Variants in PCDH15 observed in about 807,000 individuals in gnomAD.
PCDH15 encodes protocadherin-15.
A neutral mutation model predicts 178.5 loss-of-function variants in PCDH15; 129 were observed. The ratio of observed to expected loss-of-function variants is 0.72; its 90% CI spans 0.63 to 0.84. PCDH15 has a LOEUF of 0.84. PCDH15 is among the 40% of genes least tolerant of loss of function. The pLI, the probability that PCDH15 is intolerant of heterozygous loss-of-function variation, is 0.00. For synonymous variants in PCDH15, 800 were observed against 732.0 expected (o/e 1.09, Z -1.50); for missense variants, 2,230 against 2,099.9 (o/e 1.06, Z -1.21).
chr10:55,596,665 T>C (rs542193384), intron 2 of PCDH15, among the ~76,000 whole-genome samples: 2 of 152,296 alleles, frequency 1.3e-5, no homozygotes, highest in Non-Finnish European at 2.9e-5. Context: ...TACCATTTAA[T>C]GTATTTTAAT....
chr10:54,433,938 C>T (rs1043586305), intron 3 of PCDH15, among the ~76,000 whole-genome samples: 3 of 152,182 alleles, frequency 2.0e-5, no homozygotes, highest in African/African-American at 7.2e-5. Flanking sequence ...TTATAGGAGA[C>T]AACAGCTCCA....
rs532709521 is a variant in PCDH15, at chr10:55,248,685, T to G, written c.-156+70914A>C. ...GATTCTTGTGACTCAGCCTCCCAAG[T>G]AGCTGGGATTACAGGCCTGTGCCAA... On this transcript the variant is annotated intron_variant, in intron 1 of 5. Coordinates refer to the PCDH15 transcript ENST00000458638. Among the ~76,000 whole-genome samples, 3 of 152,150 alleles carry G rather than the reference T, an allele frequency of 2.0e-5. No individual in the cohort carries two copies. The South Asian group carries it at 6.2e-4, about 32-fold the overall frequency.
chr10:54,378,720 C>A (rs948372848), intron 4 of PCDH15, 62 bp downstream of exon 4: 3 of 1,527,452 alleles, frequency 2.0e-6, no homozygotes, highest in Non-Finnish European at 2.7e-6. Flanking sequence ...TATAAACACA[C>A]ACATAGACAT....
intron 3 of PCDH15, among the ~76,000 whole-genome samples, chr10:54,451,035 C>T (rs906824072): frequency 6.6e-6 from 1 of 151,824 alleles, no homozygotes; most frequent in African/African-American, 2.4e-5. Flanking sequence ...TATTCTTATA[C>T]TCAATATCTG....
intron 1 of PCDH15, among the ~76,000 whole-genome samples, chr10:54,763,772 TATAA>T (rs1005053994): frequency 1.6e-4 from 23 of 147,796 alleles, no homozygotes; most frequent in Non-Finnish European, 3.3e-4. Context: ...ATATATAGTA[TATAA>T]ATATACTATA....
chr10:55,450,265 T>C (rs946851092), intron 2 of PCDH15, among the ~76,000 whole-genome samples: 5 of 152,064 alleles, frequency 3.3e-5, no homozygotes, highest in Admixed American at 3.3e-4. Flanking sequence ...CCAGGCTCGT[T>C]TATACATGAG....
chr10:54,917,236 C>A (rs548005569), intron 2 of PCDH15, among the ~76,000 whole-genome samples: 1 of 152,076 alleles, frequency 6.6e-6, no homozygotes. Context: ...TGAAATTTAT[C>A]AATTTAGAAG....
rs146549526 is a variant in PCDH15 at position 55,330,564 on chromosome 10, T to C, written c.-155-163913A>G. 5.2e-3 allele frequency among the ~76,000 whole-genome samples: 790 copies of C among 152,012 alleles called. 11 individuals carry two copies. The highest frequency in any genetic ancestry group is 0.018 in the African/African-American group (744 of 41,528). On this transcript the variant is annotated intron_variant, in intron 2 of 5. Coordinates refer to the PCDH15 transcript ENST00000613346. ...AGGGTTGTCAAGTCCTAATACATTA[T>C]TGGGAAATTATAGCTGTTATTTTTA...
At chr10:54,904,135 A>G (rs977571721) in intron 2 of PCDH15, among the ~76,000 whole-genome samples, 1 of 152,124 alleles carries the variant, frequency 6.6e-6, no homozygotes, top group African/African-American at 2.4e-5. Flanking sequence ...TGATAAAAGC[A>G]AAACTAAAAA....
At chr10:54,839,878 A>G (rs1257381375) in intron 3 of PCDH15, among the ~76,000 whole-genome samples, 1 of 151,390 alleles carries the variant, frequency 6.6e-6, no homozygotes, top group African/African-American at 2.4e-5. Context: ...TGCTGAAGGA[A>G]AAAAAAAATC....
chr10:54,472,530 T>C (rs749522959), intron 3 of PCDH15, among the ~76,000 whole-genome samples: 2 of 152,154 alleles, frequency 1.3e-5, no homozygotes, highest in African/African-American at 4.8e-5. Flanking sequence ...CAACAGAAAT[T>C]CCTTTAATAA....
chr10:54,433,246 T>C (rs1328701707), intron 3 of PCDH15, among the ~76,000 whole-genome samples: 2 of 152,082 alleles, frequency 1.3e-5, no homozygotes, highest in Admixed American at 1.3e-4. Context: ...AGAAAATCAG[T>C]ATATCAGATA....
intron 23 of PCDH15, among the ~76,000 whole-genome samples, chr10:53,943,483 C>CAAAA (rs2086250732): frequency 6.7e-6 from 1 of 148,940 alleles, no homozygotes; most frequent in East Asian, 2.0e-4. Context: ...CTCAAAAAAA[C>CAAAA]AAAAACAAAC....
At chr10:55,241,130 C>T (rs1841531880) in intron 1 of PCDH15, among the ~76,000 whole-genome samples, 2 of 152,088 alleles carry the variant, frequency 1.3e-5, no homozygotes, top group South Asian at 2.1e-4. Context: ...ACAGGAGAAT[C>T]GCTTGCACCC....
intron 2 of PCDH15, among the ~76,000 whole-genome samples, chr10:55,422,140 A>G (rs186240805): frequency 1.3e-5 from 2 of 151,786 alleles, no homozygotes; most frequent in Non-Finnish European, 3.0e-5. Flanking sequence ...CCCACAGCCC[A>G]TAACAACCAC....
intron 13 of PCDH15, among the ~76,000 whole-genome samples, chr10:54,153,713 G>A (rs1431998207): frequency 6.6e-6 from 1 of 151,922 alleles, no homozygotes; most frequent in Non-Finnish European, 1.5e-5. Flanking sequence ...AGGCATAGTC[G>A]GCCTTTGTTA....
intron 2 of PCDH15, among the ~76,000 whole-genome samples, chr10:55,068,093 G>T (rs147287151): frequency 9.8e-4 from 149 of 152,044 alleles, no homozygotes; most frequent in African/African-American, 3.5e-3. Context: ...GTAATGTAGT[G>T]CATTTTGTCC....
intron 2 of PCDH15, among the ~76,000 whole-genome samples, chr10:55,390,016 C>A (rs1168651475): frequency 2.0e-5 from 3 of 152,042 alleles, no homozygotes; most frequent in African/African-American, 4.8e-5. Flanking sequence ...TTTCCTTATA[C>A]TGCATGTGAG....
chr10:55,426,283 C>A (rs563216575), intron 2 of PCDH15, among the ~76,000 whole-genome samples: 10 of 152,112 alleles, frequency 6.6e-5, no homozygotes, highest in Non-Finnish European at 1.5e-4. Context: ...CAACTCCTCG[C>A]AGGAGGGAGT....
Sources: gnomAD v4.1 joint callset for allele counts (sites outside exome capture counted in the v4.1 genomes callset) on GRCh38, gnomAD v4.1.1 for gene constraint, MANE v1.5 for transcripts, NCBI Gene and HGNC (gene_info 2026-07-23, HGNC 2026-07-21) for gene names.